The following CADM2 variants were observed in gnomAD, a reference collection of about 807,000 sequenced individuals.
The protein encoded by CADM2 is immunoglobulin superfamily member 4D.
Under a neutral mutation model 49.8 loss-of-function variants are expected in CADM2, and 12 were observed. The observed-to-expected ratio is 0.24, with a 90% CI of 0.15 to 0.39. CADM2 has a LOEUF of 0.39. Among genes scored for constraint, CADM2 ranks in the 10% least tolerant of loss-of-function variants. CADM2 has a pLI of 1.00. For missense variants in CADM2, 378 were observed against 492.3 expected, an observed-to-expected ratio of 0.77 and a Z score of 2.20; for synonymous variants, 214 against 175.4, an observed-to-expected ratio of 1.22 and a Z score of -1.74.
At chr3:85,724,521 T>A in intron 1 of CADM2, among the ~76,000 whole-genome samples, 1 of 151,690 alleles carries the variant, frequency 6.6e-6, no homozygotes, top group East Asian at 1.9e-4. Context: ...AACCTGTTGA[T>A]AATACAAAAT....
chr3:85,793,539 A>G (rs2071457390), intron 2 of CADM2, among the ~76,000 whole-genome samples: 1 of 152,192 alleles, frequency 6.6e-6, no homozygotes, highest in South Asian at 2.1e-4. Context: ...GGAGAAAATC[A>G]TTGAGCTGTG....
intron 1 of CADM2, among the ~76,000 whole-genome samples, chr3:85,402,638 A>G (rs2035171632): frequency 6.6e-6 from 1 of 152,222 alleles, no homozygotes; most frequent in African/African-American, 2.4e-5. Context: ...GAATGTCAGA[A>G]CAAACTGTGA....
intron 1 of CADM2, among the ~76,000 whole-genome samples, chr3:84,992,105 G>C (rs1041419800): frequency 1.3e-5 from 2 of 152,098 alleles, no homozygotes; most frequent in African/African-American, 2.4e-5. Context: ...CAGACTCATA[G>C]CAAGTACAAC....
intron 6 of CADM2, among the ~76,000 whole-genome samples, chr3:85,924,095 G>T (rs1719508654): frequency 6.6e-6 from 1 of 152,072 alleles, no homozygotes; most frequent in Admixed American, 6.6e-5. Context: ...ATGTATCTTA[G>T]ATTTATAAGA....
intron 1 of CADM2, among the ~76,000 whole-genome samples, chr3:85,640,445 A>T (rs995806717): frequency 6.6e-6 from 1 of 152,174 alleles, no homozygotes; most frequent in Non-Finnish European, 1.5e-5. Flanking sequence ...GTTTATATAG[A>T]AGAGACAACA....
rs1739503948 is a variant in CADM2 at position 86,067,902 on chromosome 3, T to C, written c.*1119T>C. ...TATTTGTTATACAATGGAAGCACAA[T>C]GTTATAAGGAAAGGTAATTTTAAGC... On this transcript the variant is annotated 3_prime_UTR_variant, in exon 10 of 10. Transcript: ENST00000383699. 2 of 152,464 alleles carry C rather than the reference T, an allele frequency of 1.3e-5. No homozygotes were observed. Among genetic ancestry groups the C allele is most frequent in the African/African-American group, 4.8e-5 (2 of 41,454 alleles). 9.4% of individuals were successfully genotyped at this position (152,464 alleles called of 1,614,324 possible). A position where few individuals can be genotyped will look rare whatever the true frequency, so the allele number is the denominator to read the frequency against.
At chr3:85,473,885 A>T (rs1041924244) in intron 1 of CADM2, among the ~76,000 whole-genome samples, 1 of 152,062 alleles carries the variant, frequency 6.6e-6, no homozygotes, top group African/African-American at 2.4e-5. Context: ...AGTCAAATCC[A>T]GCAATGCCTC....
chr3:85,659,478 CA>C (rs1412757061), intron 1 of CADM2, among the ~76,000 whole-genome samples: 2 of 151,404 alleles, frequency 1.3e-5, no homozygotes, highest in Non-Finnish European at 2.9e-5. Flanking sequence ...AAAAGTAAAC[CA>C]AAAAATAATG....
At chr3:85,124,428 C>T (rs2038962070) in intron 1 of CADM2, among the ~76,000 whole-genome samples, 1 of 151,980 alleles carries the variant, frequency 6.6e-6, no homozygotes, top group African/African-American at 2.4e-5. Context: ...CATAGTGAGA[C>T]TCCATCTCTA....
chr3:85,675,382 T>C (rs1002387338), intron 1 of CADM2, among the ~76,000 whole-genome samples: 5 of 152,204 alleles, frequency 3.3e-5, no homozygotes, highest in Admixed American at 2.6e-4. Flanking sequence ...TACTTTTAAA[T>C]GTAGCTATTC....
intron 1 of CADM2, among the ~76,000 whole-genome samples, chr3:85,660,573 G>C (rs1416303874): frequency 1.3e-5 from 2 of 151,870 alleles, no homozygotes; most frequent in African/African-American, 4.8e-5. Context: ...CTGAATGGAG[G>C]AATCAGACTA....
chr3:85,115,150 A>G (rs2038597845), intron 1 of CADM2, among the ~76,000 whole-genome samples: 1 of 152,160 alleles, frequency 6.6e-6, no homozygotes, highest in African/African-American at 2.4e-5. Context: ...TAACTACTTG[A>G]ATGCTCTTTT....
chr3:85,808,608 T>A (rs1298100695), intron 3 of CADM2, among the ~76,000 whole-genome samples: 1 of 152,208 alleles, frequency 6.6e-6, no homozygotes, highest in Admixed American at 6.6e-5. Context: ...CAGGAGCCCA[T>A]AACACACACA....
chr3:85,781,150 T>C (rs2107993198), intron 2 of CADM2, among the ~76,000 whole-genome samples: 1 of 152,294 alleles, frequency 6.6e-6, no homozygotes, highest in East Asian at 1.9e-4. Context: ...TCCTTTTGTG[T>C]CGGTACTTGC....
intron 1 of CADM2, among the ~76,000 whole-genome samples, chr3:85,498,935 T>C (rs2040009337): frequency 1.3e-5 from 2 of 152,136 alleles, no homozygotes; most frequent in Admixed American, 1.3e-4. Context: ...TGTGAATAAA[T>C]AACGTTAAGA....
chr3:85,464,965 CTG>C (rs1371024255), intron 1 of CADM2, among the ~76,000 whole-genome samples: 2 of 152,018 alleles, frequency 1.3e-5, no homozygotes, highest in Non-Finnish European at 2.9e-5. Context: ...CTGGCTAACA[CTG>C]TGAAACCCCG....
intron 2 of CADM2, among the ~76,000 whole-genome samples, chr3:85,753,967 G>C (rs2068981072): frequency 6.6e-6 from 1 of 152,116 alleles, no homozygotes; most frequent in African/African-American, 2.4e-5. Flanking sequence ...GGGTTTTATA[G>C]GTTGGCGTTC....
At chr3:85,716,801 G>C (rs892737151) in intron 1 of CADM2, among the ~76,000 whole-genome samples, 5 of 152,054 alleles carry the variant, frequency 3.3e-5, no homozygotes, top group Admixed American at 6.5e-5. Context: ...AGATCAGATG[G>C]TTATAGATGC....
chr3:85,177,253 G>A (rs886753384), intron 1 of CADM2, among the ~76,000 whole-genome samples: 2 of 152,036 alleles, frequency 1.3e-5, no homozygotes, highest in South Asian at 2.1e-4. Context: ...CTCCTAGTAC[G>A]GGGCAGTAAG....
Sources: allele counts gnomAD v4.1 joint callset (sites outside exome capture counted in the v4.1 genomes callset), GRCh38; gene constraint gnomAD v4.1.1; transcripts MANE v1.5; gene names NCBI Gene and HGNC (gene_info 2026-07-23, HGNC 2026-07-21).